PRKN: variants seen among roughly 807,000 people sequenced by gnomAD.
PRKN encodes E3 ubiquitin-protein ligase parkin.
In PRKN, 56 loss-of-function variants were observed where a neutral mutation model predicts 59.5. The ratio of observed to expected loss-of-function variants is 0.94; its 90% CI spans 0.76 to 1.18. The LOEUF (loss-of-function observed/expected upper bound fraction) is 1.18, where lower values mean the gene tolerates loss of function less well. Ranked by LOEUF, PRKN falls within the 50% of genes most tolerant of loss-of-function variation. The pLI, the probability that PRKN is intolerant of heterozygous loss-of-function variation, is 0.00. For missense variants in PRKN, 657 were observed against 596.4 expected, an observed-to-expected ratio of 1.10 and a Z score of -1.06; for synonymous variants, 250 against 222.1, an observed-to-expected ratio of 1.13 and a Z score of -1.12.
intron 4 of PRKN, among the ~76,000 whole-genome samples, chr6:162,153,855 G>A (rs999348963): frequency 1.3e-4 from 20 of 152,122 alleles, no homozygotes; most frequent in African/African-American, 4.6e-4. Flanking sequence ...AGCTGAGCCT[G>A]GGGTCTTTAT....
rs977313457 is a variant in PRKN at position 161,473,720 on chromosome 6, T to C, written c.1083+75134A>G. Among the ~76,000 whole-genome samples, 2 of 152,194 alleles carry C rather than the reference T, an allele frequency of 1.3e-5. No homozygotes were observed. The highest frequency in any genetic ancestry group is 2.4e-5 in the African/African-American group (1 of 41,444). ...GCAAAAAAGTAGATTTTAGGTGCTA[T>C]TACTGTATACGTATGAAAAAAGTAA... On this transcript the variant is annotated intron_variant, in intron 9 of 11. Coordinates refer to ENST00000366898, the MANE Select transcript of PRKN (RefSeq NM_004562.3). This position sits in a 1 kb window ranked among gnomAD's most constrained non-coding sequence, Gnocchi z 4.1.
chr6:161,826,737 C>T (rs1485793972), intron 6 of PRKN, among the ~76,000 whole-genome samples: 1 of 152,204 alleles, frequency 6.6e-6, no homozygotes, highest in African/African-American at 2.4e-5. Context: ...ACATTAAATA[C>T]ATTTGCTTGG....
chr6:162,195,360 G>T (rs1330002597), intron 4 of PRKN, among the ~76,000 whole-genome samples: 1 of 152,174 alleles, frequency 6.6e-6, no homozygotes, highest in Non-Finnish European at 1.5e-5. Flanking sequence ...TCTATTCTAA[G>T]ACTTGAATTT....
intron 9 of PRKN, among the ~76,000 whole-genome samples, chr6:161,477,696 T>A (rs1250018235): frequency 2.6e-5 from 4 of 152,192 alleles, no homozygotes; most frequent in Admixed American, 2.6e-4. Context: ...ATTTTTAGTT[T>A]TCTGTATCAC....
intron 7 of PRKN, among the ~76,000 whole-genome samples, chr6:161,773,091 AGC>A (rs1583142019): frequency 1.3e-5 from 2 of 152,220 alleles, no homozygotes; most frequent in African/African-American, 4.8e-5. Flanking sequence ...AGGCAGAGGA[AGC>A]GGCTATGGAG....
At chr6:161,531,364 G>C (rs1269132981) in intron 9 of PRKN, among the ~76,000 whole-genome samples, 5 of 148,530 alleles carry the variant, frequency 3.4e-5, no homozygotes, top group Non-Finnish European at 7.4e-5. Flanking sequence ...CTGGATGACA[G>C]AGCGAGACTC....
chr6:161,933,518 C>T (rs1345382690), intron 6 of PRKN, among the ~76,000 whole-genome samples: 4 of 152,200 alleles, frequency 2.6e-5, no homozygotes, highest in African/African-American at 9.6e-5. Context: ...CATATAGCCT[C>T]TGAAAAACTC....
At chr6:161,638,887 G>A (rs1464501558) in intron 7 of PRKN, among the ~76,000 whole-genome samples, 4 of 151,926 alleles carry the variant, frequency 2.6e-5, no homozygotes, top group Admixed American at 2.6e-4. Context: ...GATTACAGGC[G>A]TGTGCCACCA....
intron 4 of PRKN, among the ~76,000 whole-genome samples, chr6:162,190,935 G>A (rs1232879934): frequency 1.3e-5 from 2 of 152,086 alleles, no homozygotes; most frequent in African/African-American, 2.4e-5. Flanking sequence ...GTGCTCAAAC[G>A]GATAATATGT....
chr6:162,313,284 G>A (rs987077534), intron 2 of PRKN, among the ~76,000 whole-genome samples: 1 of 151,884 alleles, frequency 6.6e-6, no homozygotes, highest in Non-Finnish European at 1.5e-5. Context: ...CCTTAACCCA[G>A]TCCCTAGCAA....
In PRKN at chr6:161,644,415, G is replaced by A. The variant is rs114735864; in HGVS notation, c.872-74999C>T. ...ATATTAGTTAAGGATAGTCTTTGAA[G>A]GTTTATAAATGGGAAGAAAGTACAT... On this transcript the variant is annotated intron_variant, in intron 7 of 11. Coordinates refer to ENST00000366898, the MANE Select transcript of PRKN (RefSeq NM_004562.3). Among the ~76,000 whole-genome samples, 1,150 of 152,296 alleles carry A rather than the reference G, an allele frequency of 7.6e-3. 12 individuals are homozygous for A. The highest frequency in any genetic ancestry group is 0.026 in the African/African-American group (1,098 of 41,558).
intron 2 of PRKN, among the ~76,000 whole-genome samples, chr6:162,344,728 T>C (rs1784324717): frequency 6.6e-6 from 1 of 152,032 alleles, no homozygotes; most frequent in African/African-American, 2.4e-5. Context: ...AGATAGTACC[T>C]GTCACTGGCT....
At chr6:162,349,046 A>G (rs1784518653) in intron 2 of PRKN, among the ~76,000 whole-genome samples, 1 of 152,238 alleles carries the variant, frequency 6.6e-6, no homozygotes, top group African/African-American at 2.4e-5. Flanking sequence ...GTCAGTCAAT[A>G]AAAAAGAGAT....
At chr6:162,021,138 ATATATATATATATATATATATATATAT>A (rs1427430374) in intron 5 of PRKN, among the ~76,000 whole-genome samples, 22,919 of 62,910 alleles carry the variant, frequency 0.36, 4,852 homozygotes, top group Non-Finnish European at 0.41. Context: ...ATATATATAT[ATATATATATATATATATATATATATAT>A]AAAATATATG....
At chr6:162,211,401 G>C (rs1217313978) in intron 3 of PRKN, among the ~76,000 whole-genome samples, 2 of 152,184 alleles carry the variant, frequency 1.3e-5, no homozygotes, top group Non-Finnish European at 2.9e-5. Flanking sequence ...ATTAGCACAT[G>C]TTCTACAAAT....
intron 2 of PRKN, among the ~76,000 whole-genome samples, chr6:162,339,398 G>GC (rs1254676720): frequency 9.0e-5 from 13 of 145,040 alleles, no homozygotes; most frequent in Non-Finnish European, 1.7e-4. Context: ...GGGGGGGTCA[G>GC]CCCCCCGCCC....
chr6:162,142,040 A>G (rs893837988), intron 4 of PRKN, among the ~76,000 whole-genome samples: 1 of 152,332 alleles, frequency 6.6e-6, no homozygotes, highest in Middle Eastern at 3.4e-3. Flanking sequence ...ACACATGATC[A>G]CTTATATTAA....
rs115116463 is a variant in PRKN at position 162,534,672 on chromosome 6, A to G, written c.8-91199T>C. On this transcript the variant is annotated intron_variant, in intron 1 of 11. Transcript: ENST00000366898. ...TGTACACCATCTCCAGCCTCAGACA[A>G]CTGCACTCAAGTTGCCCCTTTCCCG... Among the ~76,000 whole-genome samples, 1,402 of 152,272 alleles carry G rather than the reference A, an allele frequency of 9.2e-3. 19 individuals carry two copies. Among genetic ancestry groups the G allele is most frequent in the African/African-American group, 0.032 (1,321 of 41,572 alleles).
Position 161,964,582 on chromosome 6 carries a change from C to G in PRKN, c.734+8720G>C, listed in dbSNP as rs144830682. The stretch of plus-strand genomic sequence containing the variant: ...AAGTTGTAAGATTTTCCATTCGACT[C>G]TAGAACATACCCTTGTTTATTATAA... On this transcript the variant is annotated intron_variant, in intron 6 of 11. Transcript: ENST00000366898. 1.3e-3 allele frequency among the ~76,000 whole-genome samples: 197 copies of G among 152,140 alleles called. 2 individuals carry two copies. The highest frequency in any genetic ancestry group is 4.5e-3 in the African/African-American group (185 of 41,434).
Sources: gnomAD v4.1 joint callset for allele counts (sites outside exome capture counted in the v4.1 genomes callset) on GRCh38, gnomAD v4.1.1 for gene constraint, Gnocchi (gnomAD v3.1) non-coding constraint, MANE v1.5 for transcripts, NCBI Gene and HGNC (gene_info 2026-07-23, HGNC 2026-07-21) for gene names.